LRIG2: variants seen among roughly 807,000 people sequenced by gnomAD.
The protein encoded by LRIG2 is leucine rich repeats and immunoglobulin like domains 2, also known as leucine-rich repeats and immunoglobulin-like domains protein 2.
In LRIG2, 93 loss-of-function variants were observed where a neutral mutation model predicts 107.8. The ratio of observed to expected loss-of-function variants is 0.86; its 90% confidence interval spans 0.73 to 1.03. The LOEUF (loss-of-function observed/expected upper bound fraction) is 1.03, where lower values mean the gene tolerates loss of function less well. Ranked by LOEUF, LRIG2 falls within the 50% of genes least tolerant of loss-of-function variation. LRIG2 has a pLI of 0.00. For missense variants in LRIG2, 1,226 were observed against 1,296.0 expected (o/e 0.95, Z 0.83); for synonymous variants, 471 against 470.6 (o/e 1.00, Z -0.01).
At chr1:113,075,558 C>T (rs1652937177) in intron 1 of LRIG2, among the ~76,000 whole-genome samples, 1 of 152,124 alleles carries the variant, frequency 6.6e-6, no homozygotes, top group Non-Finnish European at 1.5e-5. Context: ...AAACCTAGCA[C>T]AGCCTCTTTG....
At position 113,114,654 on chromosome 1, in the gene LRIG2, A is replaced by G. The variant is rs768003881; in HGVS notation, c.2308A>G (p.Asn770Asp). 2.5e-5 allele frequency: 41 copies of G among 1,614,008 alleles called. 2 individuals are homozygous for G. In the South Asian group the frequency reaches 4.3e-4, roughly 17 times the overall value. The change falls in exon 15 of 18, where the codon AAC (asparagine) becomes GAC (aspartate). Residue 770 changes from asparagine (N) to aspartate (D), a missense_variant. By Grantham distance (23) the Asn-to-Asp change is conservative (BLOSUM62 1). This residue lies in a region of LRIG2 where 642 missense variants were observed against 712.2 expected (regional missense o/e 0.90). Transcript: ENST00000361127. ...TGGGAAATATACCTGCATTATGTCT[A>G]ACACCCTTGGGACAGAACGTGGCCA... The part of the protein sequence containing the change: ...DAGKYTCIMS[N>D]TLGTERGHIY...
At chr1:113,113,389 CT>C (rs1183063176) in intron 14 of LRIG2, among the ~76,000 whole-genome samples, 2 of 151,208 alleles carry the variant, frequency 1.3e-5, no homozygotes, top group Non-Finnish European at 2.9e-5. Context: ...TATTACAATA[CT>C]TTTCTTCGTG....
chr1:113,118,161 C>T (rs1655097240), intron 16 of LRIG2, among the ~76,000 whole-genome samples: 2 of 150,932 alleles, frequency 1.3e-5, no homozygotes, highest in South Asian at 4.2e-4. Context: ...TCAGGTGATC[C>T]ACCTGCCTCG....
intron 11 of LRIG2, chr1:113,103,826 T>C (rs1654412373): frequency 6.6e-6 from 1 of 152,222 alleles, no homozygotes; most frequent in Non-Finnish European, 1.5e-5. Flanking sequence ...GAATATATTC[T>C]CTGGAGTTGG....
chr1:113,119,736 GT>G (rs1186750253), intron 17 of LRIG2, among the ~76,000 whole-genome samples: 1 of 152,154 alleles, frequency 6.6e-6, no homozygotes, highest in Non-Finnish European at 1.5e-5. Flanking sequence ...AACAACTTTT[GT>G]GGGGGTAACA....
At chr1:113,120,134 G>A (rs866473589) in intron 17 of LRIG2, among the ~76,000 whole-genome samples, 1 of 151,604 alleles carries the variant, frequency 6.6e-6, no homozygotes, top group Non-Finnish European at 1.5e-5. Context: ...ATTTTTCTCC[G>A]ATCTTTATTT....
chr1:113,097,451 C>T (rs190296321), intron 8 of LRIG2, among the ~76,000 whole-genome samples: 38 of 152,054 alleles, frequency 2.5e-4, no homozygotes, highest in Admixed American at 1.5e-3. Flanking sequence ...TATACATGCA[C>T]AGGTGTGTAT....
chr1:113,113,471 T>A (rs1306724830), intron 14 of LRIG2, among the ~76,000 whole-genome samples: 8 of 151,112 alleles, frequency 5.3e-5, no homozygotes, highest in East Asian at 1.9e-4. Flanking sequence ...TATTATTATT[T>A]TTTTTAAGTT....
In LRIG2 at chr1:113,116,285, A is replaced by G; in HGVS notation, c.2531-2A>G. The G allele has an allele frequency of 6.2e-7, 1 of 1,610,278 alleles. No homozygotes were observed. The highest frequency in any genetic ancestry group is 8.5e-7 in the Non-Finnish European group (1 of 1,177,912). On this transcript the variant is annotated splice_acceptor_variant, in intron 15 of 17. Coordinates refer to ENST00000361127, the MANE Select transcript of LRIG2 (RefSeq NM_014813.3). LOFTEE classifies it high-confidence loss of function. ...TGAGAGTTAAAAATGTCTCTTTTAC[A>G]GAGGAGCTCAATCTGCCTGCAGACA...
chr1:113,082,681 T>C (rs1653342103), intron 1 of LRIG2, among the ~76,000 whole-genome samples: 1 of 152,108 alleles, frequency 6.6e-6, no homozygotes, highest in South Asian at 2.1e-4. Flanking sequence ...TGAGACGAAG[T>C]CTCTCTCTGT....
intron 1 of LRIG2, among the ~76,000 whole-genome samples, chr1:113,075,644 T>C (rs1652942863): frequency 6.6e-6 from 1 of 151,770 alleles, no homozygotes; most frequent in South Asian, 2.1e-4. Context: ...GGCACAGATT[T>C]GACAAAACAG....
At chr1:113,079,238 C>CT (rs1169247814) in intron 1 of LRIG2, among the ~76,000 whole-genome samples, 1 of 151,246 alleles carries the variant, frequency 6.6e-6, no homozygotes, top group South Asian at 2.1e-4. Flanking sequence ...GTCCCAGTTA[C>CT]TTGGGGGGCT....
rs757443888 is a variant in LRIG2 at position 113,073,665 on chromosome 1, A to C, written c.239+20A>C. On this transcript the variant is annotated intron_variant, in intron 1 of 17. Coordinates refer to ENST00000361127, the MANE Select transcript of LRIG2 (RefSeq NM_014813.3). ...TATCCTGTGAGTAGAGCGGCCAGGC[A>C]GAGTGACCAAAAGGAGGGGGAGCCT... The C allele has an allele frequency of 4.4e-6, 7 of 1,598,366 alleles. No homozygotes were observed. The highest frequency in any genetic ancestry group is 2.7e-5 in the African/African-American group (2 of 74,742).
chr1:113,086,559 C>A (rs139493205), intron 1 of LRIG2, among the ~76,000 whole-genome samples: 9 of 152,282 alleles, frequency 5.9e-5, no homozygotes, highest in South Asian at 2.1e-4. Context: ...GTATGTGTGA[C>A]TGTGCGAAGA....
intron 1 of LRIG2, among the ~76,000 whole-genome samples, chr1:113,078,543 A>G (rs17030974): frequency 0.48 from 72,390 of 151,860 alleles, 19,985 homozygotes; most frequent in Non-Finnish European, 0.62. Flanking sequence ...GCTCACTAGC[A>G]GTGACTTGTG....
chr1:113,120,021 G>A (rs1236572748), intron 17 of LRIG2, among the ~76,000 whole-genome samples: 2 of 151,854 alleles, frequency 1.3e-5, no homozygotes, highest in African/African-American at 4.8e-5. Flanking sequence ...TGTTGGCCAG[G>A]CTGGTCATGA....
At chr1:113,107,907 A>T in intron 12 of LRIG2, 150 bp downstream of exon 12, 1 of 671,458 alleles carries the variant, frequency 1.5e-6, no homozygotes, top group Non-Finnish European at 2.4e-6. Context: ...ATTTTAATGA[A>T]TGAAGGCTTT....
chr1:113,076,004 C>CTT (rs58037652), intron 1 of LRIG2, among the ~76,000 whole-genome samples: 207 of 132,438 alleles, frequency 1.6e-3, no homozygotes, highest in African/African-American at 5.3e-3. Context: ...GCCTGGCCTA[C>CTT]TTTTTTTTTT....
At chr1:113,085,632 C>T (rs965661024) in intron 1 of LRIG2, among the ~76,000 whole-genome samples, 6 of 152,160 alleles carry the variant, frequency 3.9e-5, no homozygotes, top group African/African-American at 1.4e-4. Flanking sequence ...CTAGCCATTT[C>T]TAGTTCAACC....
Sources: allele counts gnomAD v4.1 joint callset (sites outside exome capture counted in the v4.1 genomes callset), GRCh38; gene constraint gnomAD v4.1.1; regional missense constraint gnomAD v4.1.1; transcripts MANE v1.5; gene names NCBI Gene and HGNC (gene_info 2026-07-23, HGNC 2026-07-21).